The following USP25 variants were observed in gnomAD, a reference collection of about 807,000 sequenced individuals.
USP25 encodes the protein ubiquitin specific peptidase 25, also known as ubiquitin carboxyl-terminal hydrolase 25.
USP25 carries 85 observed loss-of-function variants against 158.5 expected under a neutral mutation model. That is an observed-to-expected ratio of 0.54 (90% CI 0.45 to 0.64). USP25 has a LOEUF of 0.64. Ranked by LOEUF, USP25 falls within the 30% of genes least tolerant of loss-of-function variation. USP25 has a pLI of 0.00. For missense variants in USP25, 1,242 were observed against 1,327.3 expected, an observed-to-expected ratio of 0.94 and a Z score of 1.00; for synonymous variants, 464 against 460.4, an observed-to-expected ratio of 1.01 and a Z score of -0.10.
At chr21:15,799,551 T>C in intron 5 of USP25, 1 of 383,532 alleles carries the variant, frequency 2.6e-6, no homozygotes, top group South Asian at 6.6e-5. Flanking sequence ...AAATATAATC[T>C]TGTGCACTAT....
intron 18 of USP25, among the ~76,000 whole-genome samples, chr21:15,845,440 G>T (rs2038535752): frequency 6.6e-6 from 1 of 152,062 alleles, no homozygotes; most frequent in Admixed American, 6.6e-5. Context: ...GGTACTTTGG[G>T]ATATCTAAAT....
At chr21:15,846,591 T>G (rs2038629168) in intron 18 of USP25, among the ~76,000 whole-genome samples, 1 of 152,134 alleles carries the variant, frequency 6.6e-6, no homozygotes, top group Non-Finnish European at 1.5e-5. Context: ...ATTGCTAAAA[T>G]TTACCCATAT....
At chr21:15,831,257 T>G in intron 15 of USP25, 144 bp from the exon 16 acceptor site, 3 of 708,726 alleles carry the variant, frequency 4.2e-6, no homozygotes, top group Non-Finnish European at 7.0e-6. Context: ...TTTTTCAAAC[T>G]TTTAAGCCCA....
Position 15,736,439 on chromosome 21 carries a change from A to G in USP25, c.45+6001A>G, listed in dbSNP as rs150579241. On this transcript the variant is annotated intron_variant, in intron 1 of 25. Transcript: ENST00000400183. The stretch of plus-strand genomic sequence containing the variant: ...TTTGTCTTTTAGAATTTAACCATGC[A>G]CATGTGGTGATAACTGATAAATTTA... Among the ~76,000 whole-genome samples the G allele has an allele frequency of 2.1e-3, 322 of 152,222 alleles. 2 individuals carry two copies. Among genetic ancestry groups the G allele is most frequent in the African/African-American group, 7.6e-3 (314 of 41,540 alleles).
chr21:15,836,864 A>C (rs2038088137), intron 17 of USP25, among the ~76,000 whole-genome samples: 1 of 140,512 alleles, frequency 7.1e-6, no homozygotes, highest in South Asian at 2.4e-4. Context: ...TAGGGGAGCA[A>C]ACTTACCTGA....
At chr21:15,839,528 T>C (rs1282728985) in intron 17 of USP25, among the ~76,000 whole-genome samples, 1 of 152,178 alleles carries the variant, frequency 6.6e-6, no homozygotes, top group South Asian at 2.1e-4. Context: ...TTTAAAAATA[T>C]GAGTAGGTAG....
intron 22 of USP25, 129 bp from the exon 23 acceptor site, chr21:15,869,939 A>G (rs1391041086): frequency 5.2e-6 from 3 of 573,044 alleles, no homozygotes; most frequent in Non-Finnish European, 2.9e-6. Context: ...GTTCTGATGT[A>G]TCTTCATTTT....
chr21:15,848,418 T>C (rs1454592265), intron 19 of USP25, among the ~76,000 whole-genome samples: 1 of 152,170 alleles, frequency 6.6e-6, no homozygotes. Context: ...TATTGTCTTA[T>C]TCTATCAGAT....
At chr21:15,862,956 C>T (rs1376672242) in intron 20 of USP25, among the ~76,000 whole-genome samples, 4 of 151,754 alleles carry the variant, frequency 2.6e-5, no homozygotes, top group African/African-American at 7.3e-5. Context: ...ATCATAACAT[C>T]TAGACGTCAA....
At chr21:15,738,124 A>T (rs1265194029) in intron 1 of USP25, among the ~76,000 whole-genome samples, 2 of 152,200 alleles carry the variant, frequency 1.3e-5, no homozygotes, top group Non-Finnish European at 2.9e-5. Flanking sequence ...CATCTTTGTC[A>T]TATATGCAAA....
At chr21:15,814,962 T>C (rs2036860649) in intron 9 of USP25, among the ~76,000 whole-genome samples, 1 of 152,112 alleles carries the variant, frequency 6.6e-6, no homozygotes, top group Non-Finnish European at 1.5e-5. Context: ...TGGCAGCCCC[T>C]CCCATCATAG....
At chr21:15,730,503 C>A in intron 1 of USP25, 65 bp downstream of exon 1, 1 of 1,287,590 alleles carries the variant, frequency 7.8e-7, no homozygotes, top group South Asian at 2.2e-5. Flanking sequence ...TCTCCCGCTG[C>A]GGCCGGGCGC....
At chr21:15,865,440 G>A (rs1173035496) in intron 21 of USP25, among the ~76,000 whole-genome samples, 1 of 152,164 alleles carries the variant, frequency 6.6e-6, no homozygotes, top group Non-Finnish European at 1.5e-5. Flanking sequence ...GTGAAATGTA[G>A]GATTCTGTGC....
chr21:15,730,472 TCTC>T (rs887374401), intron 1 of USP25, 34 bp downstream of exon 1: 218 of 1,328,628 alleles, frequency 1.6e-4, no homozygotes, highest in Non-Finnish European at 2.0e-4. Flanking sequence ...GGGCCCCACT[TCTC>T]CTTCCGACGG....
chr21:15,877,633 G>C lies in USP25; in HGVS notation c.3010-163G>C. 5.7e-6 allele frequency: 3 copies of C among 524,836 alleles called. No homozygotes were observed. In the East Asian group the frequency reaches 1.0e-4, roughly 18 times the overall value. 32.5% of individuals were successfully genotyped at this position (524,836 alleles called of 1,614,324 possible). On this transcript the variant is annotated intron_variant, in intron 24 of 25. Transcript: ENST00000400183. ...ATATGCATAGCTTTTTCTAAAGAGA[G>C]ATTTTCAGTTCTAGATAGGTTGAGA...
intron 18 of USP25, among the ~76,000 whole-genome samples, chr21:15,844,008 T>A (rs2038461033): frequency 6.6e-6 from 1 of 152,162 alleles, no homozygotes; most frequent in Non-Finnish European, 1.5e-5. Flanking sequence ...ATGGATATCG[T>A]CTTATAAGGT....
intron 2 of USP25, among the ~76,000 whole-genome samples, chr21:15,764,543 A>G (rs975504724): frequency 6.6e-6 from 1 of 152,122 alleles, no homozygotes; most frequent in African/African-American, 2.4e-5. Flanking sequence ...GATTAATTTC[A>G]GTACTTTTAA....
In USP25 at chr21:15,730,182, C is replaced by T. The variant is rs1023775603; in HGVS notation, c.-212C>T. ...GGGCCGCGTGGAGACGTGAGGCGGCCGCCGTGGCCCTCACAGTCGGCGTTT... is the reference window on the plus strand; with the variant it reads ...GGGCCGCGTGGAGACGTGAGGCGGCTGCCGTGGCCCTCACAGTCGGCGTTT... On this transcript the variant is annotated 5_prime_UTR_variant, in exon 1 of 26. Transcript: ENST00000400183. 7.3e-4 allele frequency: 214 copies of T among 294,798 alleles called. No homozygotes were observed. Among genetic ancestry groups the T allele is most frequent in the Non-Finnish European group, 2.5e-4 (49 of 199,330 alleles). The allele number at this position is 294,798 out of a possible 1,614,324, so 18.3% of individuals were successfully genotyped here.
At chr21:15,857,617 ATCT>A (rs1352839094) in intron 20 of USP25, among the ~76,000 whole-genome samples, 2 of 152,046 alleles carry the variant, frequency 1.3e-5, no homozygotes, top group Non-Finnish European at 2.9e-5. Context: ...GTGAACATTG[ATCT>A]TCTAAGACAA....
Sources: gnomAD v4.1 joint callset for allele counts (sites outside exome capture counted in the v4.1 genomes callset) on GRCh38, gnomAD v4.1.1 for gene constraint, MANE v1.5 for transcripts, NCBI Gene and HGNC (gene_info 2026-07-23, HGNC 2026-07-21) for gene names.